Variants in COBLL1 observed in about 807,000 individuals in gnomAD.
COBLL1 encodes cordon-bleu WH2 repeat protein like 1.
Under a neutral mutation model 94.8 loss-of-function variants are expected in COBLL1, and 50 were observed. The ratio of observed to expected loss-of-function variants is 0.53; its 90% CI spans 0.42 to 0.67. The LOEUF (loss-of-function observed/expected upper bound fraction) is 0.67, where lower values mean the gene tolerates loss of function less well. Among genes scored for constraint, COBLL1 ranks in the 30% least tolerant of loss-of-function variants. The probability of loss-of-function intolerance (pLI) is 0.00; values close to 1 mark genes in which losing one functional copy is unlikely to be tolerated. For synonymous variants in COBLL1, 448 were observed against 473.8 expected (o/e 0.95, Z 0.71); for missense variants, 1,362 against 1,348.7 (o/e 1.01, Z -0.15).
intron 2 of COBLL1, among the ~76,000 whole-genome samples, chr2:164,807,121 C>G (rs1684200962): frequency 6.6e-6 from 1 of 152,050 alleles, no homozygotes; most frequent in Non-Finnish European, 1.5e-5. Flanking sequence ...ATTAAATTTT[C>G]AAGAAGTCTA....
At chr2:164,802,016 A>G (rs575278496) in intron 2 of COBLL1, among the ~76,000 whole-genome samples, 2 of 152,344 alleles carry the variant, frequency 1.3e-5, no homozygotes, top group South Asian at 4.1e-4. Context: ...TTTGAAGTAA[A>G]TATGAAATTT....
chr2:164,827,200 C>T (rs1260883711), intron 2 of COBLL1, among the ~76,000 whole-genome samples: 5 of 152,112 alleles, frequency 3.3e-5, no homozygotes, highest in Non-Finnish European at 7.4e-5. Context: ...CCACCCACCT[C>T]GGCCTCCCAA....
At chr2:164,731,791 G>T (rs114544302) in intron 3 of COBLL1, among the ~76,000 whole-genome samples, 1,628 of 152,272 alleles carry the variant, frequency 0.011, 26 homozygotes, top group African/African-American at 0.037. Context: ...ACAGGGAAAT[G>T]GGGCTAGAAA....
chr2:164,711,819 A>T (rs1476292308), intron 7 of COBLL1, among the ~76,000 whole-genome samples: 1 of 152,214 alleles, frequency 6.6e-6, no homozygotes. Context: ...GAAAACACAG[A>T]GGTTTCTACT....
chr2:164,729,550 G>A (rs1685879820), intron 4 of COBLL1, among the ~76,000 whole-genome samples: 1 of 151,832 alleles, frequency 6.6e-6, no homozygotes, highest in Admixed American at 6.6e-5. Flanking sequence ...AGTTACAACT[G>A]CTGCTTACCA....
In COBLL1 at chr2:164,692,498, T is replaced by C. The variant is rs1683672450; in HGVS notation, c.3124-101A>G. The C allele has an allele frequency of 7.0e-6, 6 of 855,426 alleles. No individual in the cohort carries two copies. The East Asian group carries it at 1.6e-4, about 23-fold the overall frequency. The allele number at this position is 855,426 out of a possible 1,614,324, so 53.0% of individuals were successfully genotyped here. A position where few individuals can be genotyped will look rare whatever the true frequency, so the allele number is the denominator to read the frequency against. On this transcript the variant is annotated intron_variant, in intron 12 of 13. Coordinates refer to ENST00000652658, the MANE Select transcript of COBLL1 (RefSeq NM_001365672.2). ...ATCAATAGTTCTTTAACAATCACCATTTGCCACACTGGTGTTTCAGACACA... is the reference window on the plus strand; with the variant it reads ...ATCAATAGTTCTTTAACAATCACCACTTGCCACACTGGTGTTTCAGACACA...
chr2:164,678,645 CAAT>C (rs1325167919), downstream of COBLL1, among the ~76,000 whole-genome samples: 7 of 152,028 alleles, frequency 4.6e-5, no homozygotes, highest in Admixed American at 1.3e-4. Context: ...TTTAAATAAA[CAAT>C]AAGCCACAAA....
intron 2 of COBLL1, among the ~76,000 whole-genome samples, chr2:164,660,599 A>G (rs1691055034): frequency 6.6e-6 from 1 of 152,174 alleles, no homozygotes; most frequent in African/African-American, 2.4e-5. Context: ...TATTATACTC[A>G]TACTGTGTTG....
intron 5 of COBLL1, among the ~76,000 whole-genome samples, chr2:164,727,767 C>G (rs527429173): frequency 2.0e-5 from 3 of 150,628 alleles, no homozygotes; most frequent in African/African-American, 7.3e-5. Context: ...ATTTCAATAA[C>G]TGAAATTAAG....
chr2:164,784,973 C>G (rs1313510721), intron 2 of COBLL1, among the ~76,000 whole-genome samples: 2 of 152,006 alleles, frequency 1.3e-5, no homozygotes, highest in Non-Finnish European at 2.9e-5. Flanking sequence ...ACGAGGGCTC[C>G]ATCCTAATGA....
intron 2 of COBLL1, among the ~76,000 whole-genome samples, chr2:164,818,308 A>ATATATGTATGTATACATATGTATACT (rs1559045817): frequency 1.3e-5 from 2 of 149,128 alleles, no homozygotes; most frequent in Admixed American, 6.7e-5. Flanking sequence ...ATATGTATAC[A>ATATATGTATGTATACATATGTATACT]TATACACGTG....
intron 2 of COBLL1, among the ~76,000 whole-genome samples, chr2:164,780,551 T>C (rs1259070103): frequency 6.6e-6 from 1 of 152,166 alleles, no homozygotes; most frequent in African/African-American, 2.4e-5. Context: ...TAATGAATAA[T>C]TTAACATTAA....
chr2:164,695,808 T>G lies in COBLL1; in HGVS notation c.1584A>C (p.Pro528=), dbSNP rs778232784. 2.1e-5 allele frequency: 34 copies of G among 1,585,436 alleles called. No homozygotes were observed. Among genetic ancestry groups the G allele is most frequent in the Non-Finnish European group, 2.8e-5 (33 of 1,169,592 alleles). The change falls in exon 12 of 14, where the codon CCA becomes CCC. Residue 528 remains proline (P), a synonymous_variant. Coordinates refer to ENST00000652658, the MANE Select transcript of COBLL1 (RefSeq NM_001365672.2). Reference sequence around the variant, plus strand: ...TTTTCATATTGTCTTCTGTGTTCTCTGGATAGACAATTATTTCATTTTGAA... The same window carrying G: ...TTTTCATATTGTCTTCTGTGTTCTCGGGATAGACAATTATTTCATTTTGAA... ...NVVQNEIIVY[P]ENTEDNMKNG...
intron 2 of COBLL1, among the ~76,000 whole-genome samples, chr2:164,772,609 C>A (rs1283482426): frequency 6.6e-6 from 1 of 151,928 alleles, no homozygotes; most frequent in Non-Finnish European, 1.5e-5. Context: ...TACTTTATAC[C>A]ACAAAACAAT....
rs774418950 is a variant in COBLL1, at chr2:164,694,359, T to C, written c.3033A>G (p.Ala1011=). The part of the protein sequence containing the change: ...KERTESPSAS[A]LVQPPANTEE... ...CTGTGTTGGCTGGAGGTTGGACCAA[T>C]GCACTGGCACTAGGTGACTCGGTGC... Residue 1011 remains alanine, a synonymous_variant, in exon 12 of 14, where the codon GCA becomes GCG. Transcript: ENST00000652658. 1 of 1,614,016 alleles carries C rather than the reference T, an allele frequency of 6.2e-7. No individual in the cohort carries two copies. Among genetic ancestry groups the C allele is most frequent in the South Asian group, 1.1e-5 (1 of 91,074 alleles).
chr2:164,779,589 A>G, intron 2 of COBLL1: 1 of 458,352 alleles, frequency 2.2e-6, no homozygotes, highest in Non-Finnish European at 4.5e-6. Flanking sequence ...CCCAGAACAC[A>G]GAGCCTATTT....
intron 3 of COBLL1, among the ~76,000 whole-genome samples, chr2:164,739,170 A>G (rs1349523471): frequency 6.6e-6 from 1 of 152,106 alleles, no homozygotes; most frequent in African/African-American, 2.4e-5. Flanking sequence ...TGGCATCACT[A>G]AGTTCTGGTA....
chr2:164,752,023 G>A (rs1687150808), intron 2 of COBLL1, among the ~76,000 whole-genome samples: 1 of 151,948 alleles, frequency 6.6e-6, no homozygotes, highest in African/African-American at 2.4e-5. Context: ...AGTTATACTT[G>A]GTATAATGTA....
chr2:164,742,561 C>T (rs1244151984), intron 3 of COBLL1, among the ~76,000 whole-genome samples: 1 of 152,056 alleles, frequency 6.6e-6, no homozygotes, highest in Non-Finnish European at 1.5e-5. Flanking sequence ...AGACAATTTT[C>T]TCAATCTCAT....
Sources: allele counts gnomAD v4.1 joint callset (sites outside exome capture counted in the v4.1 genomes callset), GRCh38; gene constraint gnomAD v4.1.1; transcripts MANE v1.5; gene names NCBI Gene and HGNC (gene_info 2026-07-23, HGNC 2026-07-21).